The following TRNT1 variants were observed in gnomAD, a reference collection of about 807,000 sequenced individuals.
TRNT1 encodes CCA tRNA nucleotidyltransferase 1, mitochondrial.
In TRNT1, 44 loss-of-function variants were observed where a neutral mutation model predicts 45.6. The ratio of observed to expected loss-of-function variants is 0.97; its 90% CI spans 0.76 to 1.24. TRNT1 has a LOEUF of 1.24. Among genes scored for constraint, TRNT1 ranks in the 50% most tolerant of loss-of-function variants. TRNT1 has a pLI of 0.00. For synonymous variants in TRNT1, 201 were observed against 171.4 expected (o/e 1.17, Z -1.35); for missense variants, 633 against 504.4 (o/e 1.25, Z -2.44).
chr3:3,151,300 C>T (rs1400191965), downstream of TRNT1, among the ~76,000 whole-genome samples: 2 of 152,122 alleles, frequency 1.3e-5, no homozygotes, highest in Non-Finnish European at 2.9e-5. Flanking sequence ...AAAGAGTAAT[C>T]TTAAGAATTT....
At chr3:3,152,159 T>TTTTC (rs747749891), downstream of TRNT1, among the ~76,000 whole-genome samples, 6 of 150,710 alleles carry the variant, frequency 4.0e-5, no homozygotes, top group African/African-American at 1.2e-4. Flanking sequence ...AATTTTTTTT[T>TTTTC]TTTTTTAAAT....
intron 6 of TRNT1, 72 bp downstream of exon 6, chr3:3,146,695 A>G: frequency 7.5e-7 from 1 of 1,340,686 alleles, no homozygotes; most frequent in Non-Finnish European, 1.0e-6. Context: ...TAAGGAAAAA[A>G]TGTTTGACTC....
At chr3:3,149,562 ACAGGAACTTC>A (rs1706331455), downstream of TRNT1, 1 of 150,518 alleles carries the variant, frequency 6.6e-6, no homozygotes. Context: ...TATGCTACTG[ACAGGAACTTC>A]CTGGAGTAAG....
At chr3:3,129,269 C>T (rs1007008549) in intron 2 of TRNT1, 81 bp downstream of exon 2, 11 of 1,236,562 alleles carry the variant, frequency 8.9e-6, no homozygotes, top group Admixed American at 2.1e-5. Context: ...AGCCAGCATT[C>T]GGATATTTTC....
chr3:3,129,791 AGATTGTTAG>A (rs1704885399), intron 2 of TRNT1: 1 of 1,351,466 alleles, frequency 7.4e-7, no homozygotes, highest in South Asian at 1.3e-5. Context: ...AAAAGGAAAC[AGATTGTTAG>A]GCATGTGAAG....
intron 3 of TRNT1, among the ~76,000 whole-genome samples, chr3:3,139,091 AT>A (rs1705491915): frequency 6.6e-6 from 1 of 152,234 alleles, no homozygotes; most frequent in Admixed American, 6.5e-5. Flanking sequence ...TTTCACTTGA[AT>A]CTTGTTTTCA....
At chr3:3,131,012 G>A (rs557421258) in intron 2 of TRNT1, among the ~76,000 whole-genome samples, 1 of 152,020 alleles carries the variant, frequency 6.6e-6, no homozygotes, top group South Asian at 2.1e-4. Flanking sequence ...AGCCTGGGAG[G>A]GGGGCTTGCG....
At chr3:3,140,302 T>A (rs867567788) in intron 3 of TRNT1, among the ~76,000 whole-genome samples, 12 of 152,236 alleles carry the variant, frequency 7.9e-5, no homozygotes, top group South Asian at 2.1e-4. Flanking sequence ...GGATTTTTTT[T>A]AAAAAAATCA....
downstream of TRNT1, chr3:3,152,602 CAACATGGAG>C: frequency 6.2e-7 from 1 of 1,613,860 alleles, no homozygotes; most frequent in Non-Finnish European, 8.5e-7. Context: ...AACAAAGAAT[CAACATGGAG>C]AACACGTCAA....
In TRNT1 at chr3:3,140,653, T is replaced by C. The variant is rs761643814; in HGVS notation, c.481+5T>C. The C allele has an allele frequency of 9.3e-6, 15 of 1,613,446 alleles. No individual in the cohort carries two copies. In the South Asian group the frequency reaches 1.6e-4, roughly 18 times the overall value. On this transcript the variant is annotated splice_donor_5th_base_variant and intron_variant, in intron 4 of 7. Transcript: ENST00000251607. ...CTATAAATTCTATGTTTTTAGGTAATATTTGCAGATAAAACCATATTGTGA... is the reference window on the plus strand; with the variant it reads ...CTATAAATTCTATGTTTTTAGGTAACATTTGCAGATAAAACCATATTGTGA...
chr3:3,145,456 T>C (rs907509112), intron 5 of TRNT1: 1 of 141,520 alleles, frequency 7.1e-6, no homozygotes, highest in African/African-American at 2.7e-5. Context: ...TGAGCCGAGA[T>C]CGTGCCACCG....
In TRNT1 at chr3:3,146,489, T is replaced by C. The variant is rs370011798; in HGVS notation, c.668T>C (p.Ile223Thr). 149 of 1,613,980 alleles carry C rather than the reference T, an allele frequency of 9.2e-5. No homozygotes were observed. The highest frequency in any genetic ancestry group is 1.2e-4 in the Non-Finnish European group (138 of 1,179,944). ...CATGATCCTGAGACTTTGGAAGCAA[T>C]TGCAGAAAATGCAAAAGGCTTGGCT... ...GDHDPETLEAIAENAKGLAGI... is the reference protein window; with the variant it reads ...GDHDPETLEATAENAKGLAGI... Residue 223 changes from isoleucine (I) to threonine (T), a missense_variant, in exon 6 of 8, where the codon ATT (isoleucine) becomes ACT (threonine). Ile to Thr is a moderately conservative substitution (Grantham distance 89). Coordinates refer to ENST00000251607, the MANE Select transcript of TRNT1 (RefSeq NM_182916.3).
chr3:3,149,255 A>AAAAT (rs775901978), downstream of TRNT1: 284 of 152,276 alleles, frequency 1.9e-3, 2 homozygotes, highest in African/African-American at 5.2e-3. Flanking sequence ...GATGCATTAT[A>AAAAT]AAATAATACT....
chr3:3,137,513 T>G, intron 3 of TRNT1, 60 bp downstream of exon 3: 1 of 1,408,878 alleles, frequency 7.1e-7, no homozygotes, highest in Non-Finnish European at 9.6e-7. Flanking sequence ...AAAAACTTAA[T>G]TTTCTCTAGT....
intron 4 of TRNT1, among the ~76,000 whole-genome samples, chr3:3,141,714 C>CA (rs1450662641): frequency 6.6e-6 from 1 of 152,098 alleles, no homozygotes; most frequent in Non-Finnish European, 1.5e-5. Context: ...AAGGATGAAA[C>CA]ATCCACTGTT....
intron 2 of TRNT1, chr3:3,129,856 C>T (rs1233566486): frequency 3.9e-5 from 61 of 1,550,088 alleles, no homozygotes; most frequent in African/African-American, 6.8e-5. Flanking sequence ...AGCTAGGTTT[C>T]GAACTTACGC....
At chr3:3,151,601 A>AT (rs1269940703), downstream of TRNT1, among the ~76,000 whole-genome samples, 18 of 152,262 alleles carry the variant, frequency 1.2e-4, no homozygotes, top group African/African-American at 3.9e-4. Flanking sequence ...CTGTTTCCTT[A>AT]TTTTTTTCCC....
chr3:3,144,561 C>A, intron 4 of TRNT1, 23 bp from the exon 5 acceptor site: 1 of 1,563,390 alleles, frequency 6.4e-7, no homozygotes, highest in Non-Finnish European at 8.7e-7. Flanking sequence ...AGTGATTTTT[C>A]TCCCTCCTTT....
At chr3:3,153,422 AC>A, downstream of TRNT1, 1 of 1,465,848 alleles carries the variant, frequency 6.8e-7, no homozygotes, top group Non-Finnish European at 9.6e-7. Context: ...TAAAGACCTT[AC>A]CTGAATATTT....
Sources: gnomAD v4.1 joint callset for allele counts (sites outside exome capture counted in the v4.1 genomes callset) on GRCh38, gnomAD v4.1.1 for gene constraint, MANE v1.5 for transcripts, NCBI Gene and HGNC (gene_info 2026-07-23, HGNC 2026-07-21) for gene names.